DLGAP2: variants seen among roughly 807,000 people sequenced by gnomAD.
The protein encoded by DLGAP2 is DLG associated protein 2, also known as disks large-associated protein 2.
A neutral mutation model predicts 100.3 loss-of-function variants in DLGAP2; 26 were observed. The ratio of observed to expected loss-of-function variants is 0.26; its 90% CI spans 0.19 to 0.36. The LOEUF (loss-of-function observed/expected upper bound fraction) is 0.36, where lower values mean the gene tolerates loss of function less well. Ranked by LOEUF, DLGAP2 falls within the 10% of genes least tolerant of loss-of-function variation. The pLI is 1.00. For missense variants in DLGAP2, 1,858 were observed against 1,453.2 expected, an observed-to-expected ratio of 1.28 and a Z score of -4.53; for synonymous variants, 886 against 630.1, an observed-to-expected ratio of 1.41 and a Z score of -6.08.
intron 1 of DLGAP2, among the ~76,000 whole-genome samples, chr8:868,898 C>G (rs1797547764): frequency 6.6e-6 from 1 of 152,228 alleles, no homozygotes; most frequent in Non-Finnish European, 1.5e-5. Context: ...GTCATTGTGT[C>G]TCCTGGTGTT....
chr8:981,913 G>A (rs1800342096), intron 2 of DLGAP2, among the ~76,000 whole-genome samples: 2 of 152,228 alleles, frequency 1.3e-5, no homozygotes, highest in African/African-American at 4.8e-5. Flanking sequence ...GGAATCCAGT[G>A]CATCTCCGTG....
intron 2 of DLGAP2, among the ~76,000 whole-genome samples, chr8:1,246,006 T>A (rs1229251813): frequency 6.6e-6 from 1 of 152,202 alleles, no homozygotes; most frequent in African/African-American, 2.4e-5. Flanking sequence ...CTCTTTCTAC[T>A]TCTACACTCA....
At chr8:1,038,208 G>A (rs550197025) in intron 2 of DLGAP2, among the ~76,000 whole-genome samples, 1 of 152,364 alleles carries the variant, frequency 6.6e-6, no homozygotes, top group Admixed American at 6.5e-5. Context: ...GTCTGTGGTT[G>A]AGAGTCCCTC....
In DLGAP2 at chr8:1,189,036, G is replaced by GC. The variant is rs1563241366; in HGVS notation, c.74-69815_74-69814insC. 4.2e-5 allele frequency among the ~76,000 whole-genome samples: 5 copies of GC among 120,446 alleles called. 1 individual carries two copies. Among genetic ancestry groups the GC allele is most frequent in the African/African-American group, 3.1e-4 (5 of 16,298 alleles). 79.0% of individuals were successfully genotyped at this position (120,446 alleles called of 152,430 possible). Reference sequence around the variant, plus strand: ...TACACAGGGTTCGGGCCCCATGGCGGTTCCGCTGTTGGGGTTGAGCATACA... The same window carrying GC: ...TACACAGGGTTCGGGCCCCATGGCGGCTTCCGCTGTTGGGGTTGAGCATACA... On this transcript the variant is annotated intron_variant, in intron 2 of 14. Transcript: ENST00000637795.
chr8:1,270,736 G>A (rs1238640914), intron 3 of DLGAP2, among the ~76,000 whole-genome samples: 1 of 151,082 alleles, frequency 6.6e-6, no homozygotes, highest in South Asian at 2.1e-4. Flanking sequence ...CTCTCTCTTT[G>A]TGTCTCTCTG....
At chr8:983,430 G>A (rs1800396392) in intron 2 of DLGAP2, among the ~76,000 whole-genome samples, 1 of 151,862 alleles carries the variant, frequency 6.6e-6, no homozygotes, top group African/African-American at 2.4e-5. Flanking sequence ...CCACGTGTTG[G>A]TGGAAGGTAC....
intron 3 of DLGAP2, among the ~76,000 whole-genome samples, chr8:1,471,655 C>A (rs1006082923): frequency 1.3e-5 from 2 of 151,138 alleles, no homozygotes; most frequent in African/African-American, 4.9e-5. Flanking sequence ...AACAACCACC[C>A]CACACACCTC....
chr8:771,603 A>G (rs1167385652), intron 1 of DLGAP2, among the ~76,000 whole-genome samples: 1 of 152,198 alleles, frequency 6.6e-6, no homozygotes, highest in Non-Finnish European at 1.5e-5. Flanking sequence ...AGTCCAACCC[A>G]GGTGGTTTAG....
chr8:1,602,477 A>G (rs757278132), intron 6 of DLGAP2, among the ~76,000 whole-genome samples: 51 of 152,366 alleles, frequency 3.3e-4, no homozygotes, highest in Admixed American at 2.6e-4. Context: ...TCATGCAGCC[A>G]TGTTGCCCAG....
rs1178052043 is a variant in DLGAP2, at chr8:1,165,126, TAGAG to T, written c.74-93718_74-93715del. 2.8e-4 allele frequency among the ~76,000 whole-genome samples: 37 copies of T among 134,206 alleles called. No individual in the cohort carries two copies. The Admixed American group carries it at 3.2e-3, about 11-fold the overall frequency. The allele number at this position is 134,206 out of a possible 152,430, so 88.0% of individuals were successfully genotyped here. Reference sequence around the variant, plus strand: ...CAGGCCCTGCACTTCTGCTGCCAGATAGAGAGAGAGGAAGACAGAGAGGGGGAGA... The same window carrying T: ...CAGGCCCTGCACTTCTGCTGCCAGATAGAGAGGAAGACAGAGAGGGGGAGA... On this transcript the variant is annotated intron_variant, in intron 2 of 14. Coordinates refer to ENST00000637795, the MANE Select transcript of DLGAP2 (RefSeq NM_001346810.2).
At chr8:1,067,646 T>TGTGTGTGTGA (rs1479585229) in intron 2 of DLGAP2, among the ~76,000 whole-genome samples, 1 of 146,284 alleles carries the variant, frequency 6.8e-6, no homozygotes, top group East Asian at 2.0e-4. Context: ...TGTGTGTGTG[T>TGTGTGTGTGA]GACTTAATAT....
intron 3 of DLGAP2, among the ~76,000 whole-genome samples, chr8:1,427,782 C>T (rs1797277564): frequency 6.6e-6 from 1 of 152,196 alleles, no homozygotes; most frequent in Non-Finnish European, 1.5e-5. Flanking sequence ...TCCCCAGCTA[C>T]ATGGAACCGT....
chr8:1,357,685 C>G (rs1006940594), intron 3 of DLGAP2, among the ~76,000 whole-genome samples: 31 of 152,288 alleles, frequency 2.0e-4, no homozygotes, highest in African/African-American at 7.2e-4. Flanking sequence ...TTTTAAGTCT[C>G]ATAACATGAG....
At chr8:808,209 A>C (rs1231087777) in intron 1 of DLGAP2, among the ~76,000 whole-genome samples, 1 of 152,176 alleles carries the variant, frequency 6.6e-6, no homozygotes, top group East Asian at 1.9e-4. Context: ...CAGGTTTGGC[A>C]CATTTGACCT....
intron 3 of DLGAP2, among the ~76,000 whole-genome samples, chr8:1,322,388 T>C (rs1009045746): frequency 6.6e-6 from 1 of 152,246 alleles, no homozygotes; most frequent in African/African-American, 2.4e-5. Context: ...GAAATGTCCA[T>C]GGAAATGCAT....
chr8:1,208,865 A>AAAAT (rs61478484), intron 2 of DLGAP2, among the ~76,000 whole-genome samples: 11,806 of 144,494 alleles, frequency 0.082, 707 homozygotes, highest in East Asian at 0.18. Flanking sequence ...AATAGCTGCA[A>AAAAT]AAATAAATAA....
chr8:1,018,551 C>T (rs986856673), intron 2 of DLGAP2, among the ~76,000 whole-genome samples: 1 of 152,214 alleles, frequency 6.6e-6, no homozygotes, highest in Admixed American at 6.5e-5. Flanking sequence ...TGACTCTGTC[C>T]TCCTGGCTCT....
chr8:943,172 A>G (rs1799233681), intron 2 of DLGAP2, among the ~76,000 whole-genome samples: 1 of 152,188 alleles, frequency 6.6e-6, no homozygotes, highest in Admixed American at 6.5e-5. Context: ...TTTATACCAG[A>G]CCACAGGGTA....
chr8:944,930 T>C lies in DLGAP2; in HGVS notation c.73+36964T>C, dbSNP rs559901828. 6.6e-5 allele frequency among the ~76,000 whole-genome samples: 10 copies of C among 152,282 alleles called. No homozygotes were observed. The South Asian group carries it at 2.1e-3, about 32-fold the overall frequency. On this transcript the variant is annotated intron_variant, in intron 2 of 14. Transcript: ENST00000637795. ...GATCTGGTGGGTGATAACTGATCCA[T>C]GTGGGTGATCTGGTGGGTGGTAACT...
Sources: gnomAD v4.1 joint callset for allele counts (sites outside exome capture counted in the v4.1 genomes callset) on GRCh38, gnomAD v4.1.1 for gene constraint, MANE v1.5 for transcripts, NCBI Gene and HGNC (gene_info 2026-07-23, HGNC 2026-07-21) for gene names.